ZNF407: variants seen among roughly 807,000 people sequenced by gnomAD.
The protein encoded by ZNF407 is zinc finger protein 407.
Under a neutral mutation model 131.2 loss-of-function variants are expected in ZNF407, and 17 were observed. That is an observed-to-expected ratio of 0.13 (90% CI 0.09 to 0.19). The LOEUF is 0.19. ZNF407 is among the 10% of genes least tolerant of loss of function. The probability of loss-of-function intolerance (pLI) is 1.00; values close to 1 mark genes in which losing one functional copy is unlikely to be tolerated. For missense variants in ZNF407, 2,681 were observed against 2,830.6 expected (o/e 0.95, Z 1.20); for synonymous variants, 1,156 against 1,062.0 (o/e 1.09, Z -1.72).
intron 5 of ZNF407, among the ~76,000 whole-genome samples, chr18:74,878,203 G>A (rs1034893273): frequency 2.6e-5 from 4 of 152,086 alleles, no homozygotes; most frequent in Non-Finnish European, 5.9e-5. Flanking sequence ...TCTCCCTAGA[G>A]CATTGTGGCC....
intron 8 of ZNF407, among the ~76,000 whole-genome samples, chr18:74,985,934 C>A (rs1972647525): frequency 6.6e-6 from 1 of 152,190 alleles, no homozygotes; most frequent in Non-Finnish European, 1.5e-5. Flanking sequence ...ATATGTTTCC[C>A]TGATTGAACT....
chr18:74,795,935 C>T (rs924586834), intron 4 of ZNF407, among the ~76,000 whole-genome samples: 12 of 152,232 alleles, frequency 7.9e-5, no homozygotes, highest in African/African-American at 2.9e-4. Context: ...TTCATACCAG[C>T]CTCCCGCTGT....
chr18:74,767,820 A>ATTTTTTTTTTTT (rs10692267), intron 3 of ZNF407, among the ~76,000 whole-genome samples: 72 of 114,052 alleles, frequency 6.3e-4, no homozygotes, highest in Non-Finnish European at 9.7e-4. Context: ...CGCCTGGCTA[A>ATTTTTTTTTTTT]TTTTTTTTTT....
intron 3 of ZNF407, among the ~76,000 whole-genome samples, chr18:74,751,941 C>A (rs1240385503): frequency 6.6e-6 from 1 of 152,180 alleles, no homozygotes; most frequent in South Asian, 2.1e-4. Flanking sequence ...CCTGAGGAAT[C>A]ACCACACTGA....
At chr18:75,022,735 A>G (rs1015182013) in intron 8 of ZNF407, among the ~76,000 whole-genome samples, 1 of 152,202 alleles carries the variant, frequency 6.6e-6, no homozygotes, top group Admixed American at 6.5e-5. Flanking sequence ...ATTGGCAGGA[A>G]TGTAAATTAG....
intron 3 of ZNF407, among the ~76,000 whole-genome samples, chr18:74,700,300 G>T (rs576555620): frequency 2.0e-4 from 30 of 152,252 alleles, no homozygotes; most frequent in Non-Finnish European, 4.3e-4. Context: ...TCTAGATAAA[G>T]CCACCTAACT....
At position 74,785,818 on chromosome 18, in the gene ZNF407, G is replaced by A. The variant is rs558360188; in HGVS notation, c.4877+4316G>A. On this transcript the variant is annotated intron_variant, in intron 4 of 8. Transcript: ENST00000299687. ...ACATGGCACACACAGCATGTACATG[G>A]CATGCACATGTCACTCACATGGCAT... 1.8e-4 allele frequency among the ~76,000 whole-genome samples: 28 copies of A among 151,420 alleles called. No homozygotes were observed. In the South Asian group the frequency reaches 5.7e-3, roughly 31 times the overall value.
intron 3 of ZNF407, among the ~76,000 whole-genome samples, chr18:74,750,341 AGTG>A (rs1437087688): frequency 6.6e-6 from 1 of 152,176 alleles, no homozygotes; most frequent in Admixed American, 6.5e-5. Context: ...AACCTAAATG[AGTG>A]GTGCAGTATG....
At chr18:75,016,185 A>C (rs1973042089) in intron 8 of ZNF407, among the ~76,000 whole-genome samples, 1 of 152,016 alleles carries the variant, frequency 6.6e-6, no homozygotes. Context: ...GTGGATGTTG[A>C]TTTGTGTCCT....
At chr18:74,941,090 C>A (rs1396660067) in intron 8 of ZNF407, among the ~76,000 whole-genome samples, 5 of 151,716 alleles carry the variant, frequency 3.3e-5, no homozygotes, top group Admixed American at 3.3e-4. Context: ...CCTTGCCTTG[C>A]CCTGCTGCCA....
Position 74,600,517 on chromosome 18 carries a change from A to G in ZNF407, c.-54+2580A>G, listed in dbSNP as rs554321310. On this transcript the variant is annotated intron_variant, in intron 1 of 8. Transcript: ENST00000299687. The stretch of plus-strand genomic sequence containing the variant: ...AGAGAGATGGTCTTTATCCCTCGCA[A>G]AGACCCACACCTCAAAGGAGTCCTA... Among the ~76,000 whole-genome samples, 6 of 152,308 alleles carry G rather than the reference A, an allele frequency of 3.9e-5. No individual in the cohort carries two copies. In the South Asian group the frequency reaches 1.2e-3, roughly 32 times the overall value.
chr18:74,672,426 C>CTGTT (rs1488194414), intron 3 of ZNF407, among the ~76,000 whole-genome samples: 6 of 34,886 alleles, frequency 1.7e-4, no homozygotes, highest in Non-Finnish European at 3.9e-4. Context: ...CACTGTTTGT[C>CTGTT]CGTTGGAGCA....
intron 6 of ZNF407, among the ~76,000 whole-genome samples, chr18:74,881,562 C>CCTCT (rs141345704): frequency 6.6e-6 from 1 of 150,452 alleles, no homozygotes; most frequent in Non-Finnish European, 1.5e-5. Context: ...CCCCTCCCTT[C>CCTCT]CTCTCTCTCT....
rs1984042406 is a variant in ZNF407, at chr18:74,631,125, G to A, written c.106G>A (p.Val36Ile). 2 of 1,613,910 alleles carry A rather than the reference G, an allele frequency of 1.2e-6. No homozygotes were observed. The highest frequency in any genetic ancestry group is 1.7e-6 in the Non-Finnish European group (2 of 1,179,884). Residue 36 changes from valine (V) to isoleucine (I), a missense_variant, in exon 2 of 9, where the codon GTA (valine) becomes ATA (isoleucine). Val to Ile is a conservative substitution (Grantham distance 29). Transcript: ENST00000299687. ...ATCCCATAATGAAGACGGTGGGCCT[G>A]TATCTGATGTGATAGCAAGTTTCCC... is the stretch of plus-strand genomic sequence containing the variant. ...LSSHNEDGGP[V>I]SDVIASFPEN...
At chr18:74,735,418 C>T (rs1968389390) in intron 3 of ZNF407, among the ~76,000 whole-genome samples, 1 of 152,158 alleles carries the variant, frequency 6.6e-6, no homozygotes, top group African/African-American at 2.4e-5. Flanking sequence ...AACTGTAAGC[C>T]ATGATACATG....
In ZNF407 at chr18:74,635,416, C is replaced by G; in HGVS notation, c.4397C>G (p.Ala1466Gly). The stretch of plus-strand genomic sequence containing the variant: ...AACCTTCACCAGCATCTGGCTAGTG[C>G]CGGCCACATGAGAAATGAGCAGGCC... ...ESNLHQHLAS[A>G]GHMRNEQASV... Residue 1466 changes from alanine to glycine, a missense_variant, in exon 2 of 9, where the codon GCC becomes GGC. By Grantham distance (60) the Ala-to-Gly change is moderately conservative. Transcript: ENST00000299687. This position sits in a 1 kb window ranked among gnomAD's most constrained non-coding sequence, Gnocchi z 4.7. 1 of 1,613,462 alleles carries G rather than the reference C, an allele frequency of 6.2e-7. No homozygotes were observed. The highest frequency in any genetic ancestry group is 8.5e-7 in the Non-Finnish European group (1 of 1,179,626).
intron 8 of ZNF407, chr18:75,061,164 C>A (rs998308636): frequency 2.9e-4 from 44 of 152,336 alleles, no homozygotes; most frequent in African/African-American, 8.9e-4. Context: ...TTGAACAGTT[C>A]TTGATCCTTT....
chr18:74,932,316 T>C (rs574905648), intron 8 of ZNF407, among the ~76,000 whole-genome samples: 2 of 152,332 alleles, frequency 1.3e-5, no homozygotes, highest in South Asian at 4.1e-4. Flanking sequence ...TTAAATTGCC[T>C]TTGTTCTTTT....
intron 1 of ZNF407, among the ~76,000 whole-genome samples, chr18:74,620,850 C>T (rs1040948716): frequency 2.0e-5 from 3 of 152,118 alleles, no homozygotes; most frequent in Admixed American, 2.0e-4. Context: ...GCTCCGATGA[C>T]CTGTGGCTCT....
Sources: gnomAD v4.1 joint callset for allele counts (sites outside exome capture counted in the v4.1 genomes callset) on GRCh38, gnomAD v4.1.1 for gene constraint, Gnocchi (gnomAD v3.1) non-coding constraint, MANE v1.5 for transcripts, NCBI Gene and HGNC (gene_info 2026-07-23, HGNC 2026-07-21) for gene names.